ABCA1: variants seen among roughly 807,000 people sequenced by gnomAD.
The protein encoded by ABCA1 is phospholipid-transporting ATPase ABCA1.
Under a neutral mutation model 262.5 loss-of-function variants are expected in ABCA1, and 133 were observed. The observed-to-expected ratio is 0.51, with a 90% CI of 0.44 to 0.59. The LOEUF is 0.59. Ranked by LOEUF, ABCA1 falls within the 20% of genes least tolerant of loss-of-function variation. ABCA1 has a pLI of 0.00. For missense variants in ABCA1, 2,452 were observed against 2,777.5 expected, an observed-to-expected ratio of 0.88 and a Z score of 2.63; for synonymous variants, 1,022 against 1,043.5, an observed-to-expected ratio of 0.98 and a Z score of 0.40.
chr9:104,862,189 C>T (rs1836476775), intron 5 of ABCA1, among the ~76,000 whole-genome samples: 1 of 151,988 alleles, frequency 6.6e-6, no homozygotes, highest in Non-Finnish European at 1.5e-5. Flanking sequence ...CTGCAACCCC[C>T]GCCTCCCGGG....
chr9:104,832,443 G>T, intron 12 of ABCA1, 131 bp downstream of exon 12: 1 of 992,130 alleles, frequency 1.0e-6, no homozygotes, highest in Non-Finnish European at 1.6e-6. Flanking sequence ...TCCTGTGTTA[G>T]GCTTGAGGGA....
intron 37 of ABCA1, among the ~76,000 whole-genome samples, chr9:104,796,833 A>G (rs1829937803): frequency 1.3e-5 from 2 of 152,232 alleles, no homozygotes; most frequent in South Asian, 2.1e-4. Flanking sequence ...TAATCTATTT[A>G]TGAGGTAACT....
At chr9:104,858,742 T>C in intron 6 of ABCA1, 44 bp from the exon 7 acceptor site, 2 of 1,607,508 alleles carry the variant, frequency 1.2e-6, no homozygotes, top group Non-Finnish European at 1.7e-6. Flanking sequence ...AAGAGGATTA[T>C]GAAGATTGGA....
intron 5 of ABCA1, among the ~76,000 whole-genome samples, chr9:104,876,898 G>C (rs1453315687): frequency 6.6e-6 from 1 of 152,178 alleles, no homozygotes; most frequent in Non-Finnish European, 1.5e-5. Context: ...ATGCAGGTGG[G>C]GGCCTGAGGC....
At chr9:104,870,819 A>C (rs577542145) in intron 5 of ABCA1, among the ~76,000 whole-genome samples, 3 of 152,206 alleles carry the variant, frequency 2.0e-5, no homozygotes, top group Admixed American at 6.5e-5. Context: ...AAGGTAATGG[A>C]AAATTACAGT....
At position 104,817,171 on chromosome 9, in the gene ABCA1, C is replaced by A. The variant is rs574566691; in HGVS notation, c.3535+161G>T. On this transcript the variant is annotated intron_variant, in intron 24 of 49. Transcript: ENST00000374736. This position sits in a 1 kb window ranked among gnomAD's most constrained non-coding sequence, Gnocchi z 4.7. Reference sequence around the variant, plus strand: ...CACCCCAGCAAGCATTAGGCCAACCCGCCACCAAGCTGCTCCCACACCCGC... The same window carrying A: ...CACCCCAGCAAGCATTAGGCCAACCAGCCACCAAGCTGCTCCCACACCCGC... 79 of 982,146 alleles carry A rather than the reference C, an allele frequency of 8.0e-5. No homozygotes were observed. Among genetic ancestry groups the A allele is most frequent in the Non-Finnish European group, 8.8e-5 (73 of 827,186 alleles). The allele number at this position is 982,146 out of a possible 1,614,324, so 60.8% of individuals were successfully genotyped here. A position where few individuals can be genotyped will look rare whatever the true frequency, so the allele number is the denominator to read the frequency against.
intron 15 of ABCA1, among the ~76,000 whole-genome samples, chr9:104,828,601 A>G (rs939818613): frequency 6.6e-6 from 1 of 152,220 alleles, no homozygotes; most frequent in Admixed American, 6.5e-5. Context: ...AAGAAAATAA[A>G]TAGCTTTCAG....
At chr9:104,827,286 C>A in intron 15 of ABCA1, 117 bp from the exon 16 acceptor site, 1 of 855,186 alleles carries the variant, frequency 1.2e-6, no homozygotes, top group Non-Finnish European at 1.9e-6. Context: ...AATGCAGAGG[C>A]GTAATGCTGT....
chr9:104,927,771 G>C (rs547040540), intron 1 of ABCA1, 164 bp downstream of exon 1: 4 of 152,322 alleles, frequency 2.6e-5, no homozygotes, highest in African/African-American at 9.7e-5. Flanking sequence ...CTCGTACTAG[G>C]ACATCGTCTC....
At chr9:104,919,448 A>G (rs573811178) in intron 1 of ABCA1, among the ~76,000 whole-genome samples, 33 of 152,096 alleles carry the variant, frequency 2.2e-4, no homozygotes, top group Non-Finnish European at 3.4e-4. Flanking sequence ...CGTCTCTATT[A>G]AAAAAATACA....
intron 3 of ABCA1, among the ~76,000 whole-genome samples, chr9:104,885,552 C>T (rs1440643767): frequency 2.6e-5 from 4 of 152,168 alleles, no homozygotes; most frequent in Non-Finnish European, 5.9e-5. Flanking sequence ...TGTTTTGTCA[C>T]TAATTAAAAC....
intron 7 of ABCA1, chr9:104,855,791 C>G (rs775656401): frequency 6.3e-7 from 1 of 1,576,502 alleles, no homozygotes; most frequent in South Asian, 1.1e-5. Flanking sequence ...TCCCACACTG[C>G]CATACTTTCC....
chr9:104,803,755 G>A (rs563720974), intron 32 of ABCA1, among the ~76,000 whole-genome samples: 134 of 152,068 alleles, frequency 8.8e-4, no homozygotes, highest in South Asian at 3.1e-3. Context: ...TTACAGGCAC[G>A]CACCACCACG....
chr9:104,866,012 T>C (rs1208031695), intron 5 of ABCA1, among the ~76,000 whole-genome samples: 1 of 152,112 alleles, frequency 6.6e-6, no homozygotes, highest in African/African-American at 2.4e-5. Flanking sequence ...TATCTGTAAG[T>C]GCTTCATGGC....
chr9:104,823,043 T>C lies in ABCA1; in HGVS notation c.2657-376A>G, dbSNP rs552094085. On this transcript the variant is annotated intron_variant, in intron 18 of 49. Coordinates refer to ENST00000374736, the MANE Select transcript of ABCA1 (RefSeq NM_005502.4). ...TGTTGACACACACAACTTGGATAGATCTAAGGGAATACTGCTGAGTGAAAA... is the reference window on the plus strand; with the variant it reads ...TGTTGACACACACAACTTGGATAGACCTAAGGGAATACTGCTGAGTGAAAA... Among the ~76,000 whole-genome samples, 4 of 150,116 alleles carry C rather than the reference T, an allele frequency of 2.7e-5. No homozygotes were observed. The South Asian group carries it at 8.4e-4, about 32-fold the overall frequency.
chr9:104,901,856 G>A (rs551848163), intron 2 of ABCA1, among the ~76,000 whole-genome samples: 40 of 152,292 alleles, frequency 2.6e-4, no homozygotes, highest in Non-Finnish European at 4.1e-4. Context: ...GGAAATAACA[G>A]TACATCGCGG....
intron 44 of ABCA1, among the ~76,000 whole-genome samples, chr9:104,789,636 C>T (rs1364095321): frequency 1.3e-5 from 2 of 152,138 alleles, no homozygotes; most frequent in African/African-American, 2.4e-5. Context: ...TAGCAGAGTG[C>T]ACTACAATTA....
chr9:104,812,855 G>A (rs978507651), intron 27 of ABCA1, 133 bp from the exon 28 acceptor site: 10 of 1,162,364 alleles, frequency 8.6e-6, no homozygotes, highest in Non-Finnish European at 1.3e-5. Context: ...AGAAGTAAAG[G>A]GCTTTCATGA....
chr9:104,829,684 G>T (rs1833092807), intron 14 of ABCA1, among the ~76,000 whole-genome samples: 1 of 152,094 alleles, frequency 6.6e-6, no homozygotes, highest in Non-Finnish European at 1.5e-5. Flanking sequence ...CTCACTACAT[G>T]ACAACAGGCA....
Sources: allele counts gnomAD v4.1 joint callset (sites outside exome capture counted in the v4.1 genomes callset), GRCh38; gene constraint gnomAD v4.1.1; non-coding constraint Gnocchi (gnomAD v3.1); transcripts MANE v1.5; gene names NCBI Gene and HGNC (gene_info 2026-07-23, HGNC 2026-07-21).